RALGAPA1: variants seen among roughly 807,000 people sequenced by gnomAD.
RALGAPA1 encodes the protein ral GTPase-activating protein subunit alpha-1.
In RALGAPA1, 52 loss-of-function variants were observed where a neutral mutation model predicts 269.6. The observed-to-expected ratio is 0.19, with a 90% CI of 0.15 to 0.24. The LOEUF (loss-of-function observed/expected upper bound fraction) is 0.24. Ranked by LOEUF, RALGAPA1 falls within the 10% of genes least tolerant of loss-of-function variation. The pLI is 1.00. For missense variants in RALGAPA1, 1,917 were observed against 3,013.9 expected (o/e 0.64, Z 8.52); for synonymous variants, 817 against 1,008.3 (o/e 0.81, Z 3.60).
rs113148308 is a variant in RALGAPA1, at chr14:35,679,378, A to C, written c.4472-1276T>G. 1.1e-3 allele frequency among the ~76,000 whole-genome samples: 166 copies of C among 152,370 alleles called. 2 individuals carry two copies. The highest frequency in any genetic ancestry group is 3.7e-3 in the African/African-American group (152 of 41,592). ...GATGGGGTTACACCCCAAGAAACTCACTGTAAATTGAAAATATGGTAAGTC... is the reference window on the plus strand; with the variant it reads ...GATGGGGTTACACCCCAAGAAACTCCCTGTAAATTGAAAATATGGTAAGTC... On this transcript the variant is annotated intron_variant, in intron 21 of 41. Transcript: ENST00000680220.
intron 16 of RALGAPA1, 26 bp from the exon 17 acceptor site, chr14:35,700,328 G>A (rs932231570): frequency 5.9e-5 from 88 of 1,483,822 alleles, no homozygotes; most frequent in Non-Finnish European, 7.0e-5. Context: ...AGAAAGAAGT[G>A]GGGAAGGAAA....
chr14:35,621,724 A>C (rs1282299147), intron 35 of RALGAPA1, among the ~76,000 whole-genome samples: 1 of 152,262 alleles, frequency 6.6e-6, no homozygotes, highest in African/African-American at 2.4e-5. Flanking sequence ...GACACTTCTC[A>C]AAAGAAGACA....
Position 35,548,495 on chromosome 14 carries a change from C to T in RALGAPA1, c.*23+13G>A. ...GAAGAACAGAGGGTGTTTTGGTTGA[C>T]ACTTTGTCTTACCTTCAGATAAACA... On this transcript the variant is annotated intron_variant, in intron 41 of 41. Transcript: ENST00000680220. 1.3e-6 allele frequency: 2 copies of T among 1,547,178 alleles called. No homozygotes were observed. The highest frequency in any genetic ancestry group is 8.7e-7 in the Non-Finnish European group (1 of 1,145,366).
intron 16 of RALGAPA1, among the ~76,000 whole-genome samples, chr14:35,717,399 C>T (rs1233285378): frequency 6.6e-6 from 1 of 152,244 alleles, no homozygotes; most frequent in Non-Finnish European, 1.5e-5. Flanking sequence ...ATCCGCCCGC[C>T]TCGGCCTCCC....
In RALGAPA1 at chr14:35,605,718, CAA is replaced by C. The variant is rs747437040; in HGVS notation, c.6930-11_6930-10del. 6.2e-7 allele frequency: 1 copy of C among 1,603,256 alleles called. No individual in the cohort carries two copies. Among genetic ancestry groups the C allele is most frequent in the Non-Finnish European group, 8.5e-7 (1 of 1,177,328 alleles). On this transcript the variant is annotated splice_polypyrimidine_tract_variant and intron_variant, in intron 35 of 41. Transcript: ENST00000680220. The stretch of plus-strand genomic sequence containing the variant: ...TCTTGTGTGTCTCTCGGCTATAAAA[CAA>C]AAGATTACACCATTAATTTAATCAC...
At chr14:35,741,437 T>C (rs994968440) in intron 11 of RALGAPA1, among the ~76,000 whole-genome samples, 2 of 151,840 alleles carry the variant, frequency 1.3e-5, no homozygotes, top group Admixed American at 6.6e-5. Context: ...GAGGGTGCTC[T>C]ATGTTTGTGT....
chr14:35,774,841 A>G (rs1263414300), intron 3 of RALGAPA1, among the ~76,000 whole-genome samples, 165 bp downstream of exon 3: 1 of 152,196 alleles, frequency 6.6e-6, no homozygotes, highest in African/African-American at 2.4e-5. Flanking sequence ...TACCTCAAAA[A>G]GTATAGGATT....
intron 27 of RALGAPA1, among the ~76,000 whole-genome samples, chr14:35,662,920 C>T (rs2063636160): frequency 7.9e-6 from 1 of 126,328 alleles, no homozygotes; most frequent in African/African-American, 3.1e-5. Flanking sequence ...ACTTGTTTAA[C>T]AAATGATTTC....
chr14:35,625,293 C>A, intron 35 of RALGAPA1, 68 bp downstream of exon 35: 1 of 968,368 alleles, frequency 1.0e-6, no homozygotes, highest in South Asian at 1.5e-5. Context: ...AAATATTATT[C>A]ACAGTATTAT....
Position 35,645,965 on chromosome 14 carries a change from G to A in RALGAPA1, c.5676+5840C>T, listed in dbSNP as rs548329829. On this transcript the variant is annotated intron_variant, in intron 31 of 41. Coordinates refer to ENST00000680220, the MANE Select transcript of RALGAPA1 (RefSeq NM_001346249.2). ...ATGAAAAAGAAGCCACTTTGAAGGGGCTCCCACTGGCTAAGTATGAGACAT... is the reference window on the plus strand; with the variant it reads ...ATGAAAAAGAAGCCACTTTGAAGGGACTCCCACTGGCTAAGTATGAGACAT... Among the ~76,000 whole-genome samples the A allele has an allele frequency of 9.9e-5, 15 of 152,120 alleles. No individual in the cohort carries two copies. In the South Asian group the frequency reaches 3.1e-3, roughly 32 times the overall value.
chr14:35,799,627 C>T (rs865785505), intron 1 of RALGAPA1, among the ~76,000 whole-genome samples: 21 of 149,696 alleles, frequency 1.4e-4, no homozygotes, highest in Middle Eastern at 3.5e-3. Context: ...AATAATAAAT[C>T]GAGGGAAAAT....
intron 12 of RALGAPA1, among the ~76,000 whole-genome samples, chr14:35,730,239 T>C (rs901963206): frequency 1.3e-5 from 2 of 152,024 alleles, no homozygotes; most frequent in African/African-American, 4.8e-5. Context: ...CCCTGGGAGC[T>C]TGCTGGGTCC....
At chr14:35,807,126 G>A (rs1290910759) in intron 1 of RALGAPA1, among the ~76,000 whole-genome samples, 4 of 151,988 alleles carry the variant, frequency 2.6e-5, no homozygotes, top group African/African-American at 7.3e-5. Context: ...AGGAAATCTC[G>A]ATACTTTATT....
chr14:35,679,493 A>C (rs1398485470), intron 21 of RALGAPA1, among the ~76,000 whole-genome samples: 1 of 152,214 alleles, frequency 6.6e-6, no homozygotes, highest in Non-Finnish European at 1.5e-5. Context: ...ATTAGCTTAC[A>C]GTTGGGCAAA....
chr14:35,553,748 A>G (rs1299415755), intron 39 of RALGAPA1, among the ~76,000 whole-genome samples: 1 of 152,218 alleles, frequency 6.6e-6, no homozygotes, highest in Non-Finnish European at 1.5e-5. Context: ...GTAAGCAGAT[A>G]TCAAAAATCT....
intron 7 of RALGAPA1, among the ~76,000 whole-genome samples, chr14:35,752,390 A>AGT (rs1409575568): frequency 6.6e-6 from 1 of 152,208 alleles, no homozygotes; most frequent in Non-Finnish European, 1.5e-5. Context: ...AAGACTATGA[A>AGT]AATTACACAA....
chr14:35,646,036 A>G (rs2062416315), intron 31 of RALGAPA1, among the ~76,000 whole-genome samples: 1 of 152,230 alleles, frequency 6.6e-6, no homozygotes, highest in Admixed American at 6.5e-5. Flanking sequence ...AAATCATTGC[A>G]TAAAATCAGA....
chr14:35,708,500 G>C (rs1212673931), intron 16 of RALGAPA1, among the ~76,000 whole-genome samples: 1 of 152,080 alleles, frequency 6.6e-6, no homozygotes, highest in South Asian at 2.1e-4. Flanking sequence ...ATGCGAAAAG[G>C]TGCTCTACAT....
intron 35 of RALGAPA1, 122 bp downstream of exon 35, chr14:35,625,239 C>A: frequency 1.9e-6 from 1 of 523,286 alleles, no homozygotes. Flanking sequence ...AAAACTTTTG[C>A]TCAGAAAGTT....
Sources: gnomAD v4.1 joint callset for allele counts (sites outside exome capture counted in the v4.1 genomes callset) on GRCh38, gnomAD v4.1.1 for gene constraint, MANE v1.5 for transcripts, NCBI Gene and HGNC (gene_info 2026-07-23, HGNC 2026-07-21) for gene names.